RUNX3: variants seen among roughly 807,000 people sequenced by gnomAD.
RUNX3 encodes RUNX family transcription factor 3.
RUNX3 carries 10 observed loss-of-function variants against 27.7 expected under a neutral mutation model. That is an observed-to-expected ratio of 0.36 (90% CI 0.22 to 0.61). The LOEUF (loss-of-function observed/expected upper bound fraction) is 0.61. RUNX3 is among the 20% of genes least tolerant of loss of function. RUNX3 has a pLI of 0.72. For missense variants in RUNX3, 469 were observed against 629.5 expected, an observed-to-expected ratio of 0.75 and a Z score of 2.73; for synonymous variants, 270 against 269.2, an observed-to-expected ratio of 1.00 and a Z score of -0.03.
At chr1:24,939,472 A>G (rs951156840) in intron 2 of RUNX3, among the ~76,000 whole-genome samples, 2 of 152,268 alleles carry the variant, frequency 1.3e-5, no homozygotes, top group South Asian at 2.1e-4. Flanking sequence ...GCCCCATTAT[A>G]TGAGTGGTGT....
chr1:24,952,520 T>G (rs1472720989), intron 2 of RUNX3, among the ~76,000 whole-genome samples: 1 of 152,238 alleles, frequency 6.6e-6, no homozygotes, highest in Non-Finnish European at 1.5e-5. Flanking sequence ...CAACAGCTGA[T>G]AACATCTGAA....
At chr1:24,954,791 C>T (rs1039698475) in intron 2 of RUNX3, among the ~76,000 whole-genome samples, 49 of 152,156 alleles carry the variant, frequency 3.2e-4, no homozygotes, top group African/African-American at 1.1e-3. Flanking sequence ...AAACAGGGCT[C>T]GTGAGTGGGT....
chr1:24,913,464 G>A (rs773372563), intron 3 of RUNX3, among the ~76,000 whole-genome samples: 26 of 152,244 alleles, frequency 1.7e-4, no homozygotes, highest in Non-Finnish European at 2.6e-4. Flanking sequence ...AACCCCCGAG[G>A]GTCAGGAAAG....
intron 4 of RUNX3, among the ~76,000 whole-genome samples, chr1:24,906,138 C>T (rs1482051719): frequency 6.6e-6 from 1 of 152,214 alleles, no homozygotes; most frequent in African/African-American, 2.4e-5. Context: ...CCCAGTCGGC[C>T]CCCACCTCAG....
At chr1:24,906,256 G>A (rs898067024) in intron 4 of RUNX3, among the ~76,000 whole-genome samples, 1 of 152,250 alleles carries the variant, frequency 6.6e-6, no homozygotes, top group African/African-American at 2.4e-5. Flanking sequence ...AGCAGGTACT[G>A]TGGAGACTGT....
At chr1:24,947,260 G>T (rs1208957682) in intron 2 of RUNX3, among the ~76,000 whole-genome samples, 4 of 152,182 alleles carry the variant, frequency 2.6e-5, no homozygotes, top group Non-Finnish European at 4.4e-5. Context: ...GCTACCCAAT[G>T]GGGCAAAGTC....
At chr1:24,934,977 C>T (rs1641315080), upstream of RUNX3, among the ~76,000 whole-genome samples, 1 of 152,186 alleles carries the variant, frequency 6.6e-6, no homozygotes, top group African/African-American at 2.4e-5. Context: ...GGTGCACCCA[C>T]CACCTGCTCT....
chr1:24,944,642 C>T (rs1255685043), intron 2 of RUNX3, among the ~76,000 whole-genome samples: 2 of 152,114 alleles, frequency 1.3e-5, no homozygotes, highest in Admixed American at 6.5e-5. Flanking sequence ...AAAGGACAGT[C>T]GGAGGGAGAT....
upstream of RUNX3, among the ~76,000 whole-genome samples, chr1:24,932,805 C>T (rs112837056): frequency 2.0e-3 from 302 of 152,252 alleles, 6 homozygotes; most frequent in African/African-American, 6.9e-3. Flanking sequence ...TGGCATGGAC[C>T]GTCGTCTTTT....
intron 2 of RUNX3, among the ~76,000 whole-genome samples, chr1:24,948,261 T>C (rs923067851): frequency 6.6e-6 from 1 of 152,180 alleles, no homozygotes; most frequent in African/African-American, 2.4e-5. Context: ...CGCCACCAGG[T>C]GGCCCTTGGT....
intron 2 of RUNX3, among the ~76,000 whole-genome samples, chr1:24,956,470 T>TCTCAGAGGTGGCTTC: frequency 6.6e-6 from 1 of 152,158 alleles, no homozygotes; most frequent in Admixed American, 6.5e-5. Context: ...GAGGTGGCTT[T>TCTCAGAGGTGGCTTC]CTCTCCCCCT....
At chr1:24,951,873 C>G (rs1023307917) in intron 2 of RUNX3, among the ~76,000 whole-genome samples, 1 of 152,072 alleles carries the variant, frequency 6.6e-6, no homozygotes, top group African/African-American at 2.4e-5. Context: ...ATTAAATGAG[C>G]TAAGGTATAT....
At chr1:24,906,220 CCTCAGAAGTA>C (rs1328852459) in intron 4 of RUNX3, among the ~76,000 whole-genome samples, 2 of 152,230 alleles carry the variant, frequency 1.3e-5, no homozygotes, top group African/African-American at 2.4e-5. Flanking sequence ...TTATCTGTCC[CCTCAGAAGTA>C]CAGAAAGTTC....
chr1:24,959,384 G>A (rs1181427800), intron 2 of RUNX3, among the ~76,000 whole-genome samples: 1 of 152,218 alleles, frequency 6.6e-6, no homozygotes, highest in African/African-American at 2.4e-5. Context: ...GGTCTGGGGA[G>A]ACGGGTGTGT....
At chr1:24,957,562 G>A (rs1241222980) in intron 2 of RUNX3, among the ~76,000 whole-genome samples, 1 of 152,230 alleles carries the variant, frequency 6.6e-6, no homozygotes, top group Non-Finnish European at 1.5e-5. Context: ...CTCCCCAAGG[G>A]GGCGGCCATG....
chr1:24,957,180 A>G (rs1469853273), intron 2 of RUNX3, among the ~76,000 whole-genome samples: 4 of 152,232 alleles, frequency 2.6e-5, no homozygotes, highest in African/African-American at 9.6e-5. Flanking sequence ...AACCCCAAAG[A>G]GGAACCTAAA....
chr1:24,927,797 A>C lies in RUNX3; in HGVS notation c.283-67T>G. ...AAGGAAGAGGGTGACCAGGGAAAGG[A>C]GGGGAGGGGCTGGGCTGGGCAGCTC... On this transcript the variant is annotated intron_variant, in intron 1 of 4. Coordinates refer to ENST00000308873, the MANE Select transcript of RUNX3 (RefSeq NM_004350.3). The surrounding 1 kb of genome is among the most constrained non-coding windows in gnomAD (Gnocchi z 5.0). 6 of 1,136,642 alleles carry C rather than the reference A, an allele frequency of 5.3e-6. No homozygotes were observed. Among genetic ancestry groups the C allele is most frequent in the Non-Finnish European group, 7.8e-6 (6 of 773,824 alleles). The allele number at this position is 1,136,642 out of a possible 1,614,324, so 70.4% of individuals were successfully genotyped here.
At chr1:24,926,194 T>C (rs1641096942) in intron 2 of RUNX3, among the ~76,000 whole-genome samples, 1 of 152,210 alleles carries the variant, frequency 6.6e-6, no homozygotes, top group South Asian at 2.1e-4. Context: ...CTCATCAGCC[T>C]TGTCTGCCAC....
chr1:24,909,322 C>A (rs567841569), intron 3 of RUNX3, among the ~76,000 whole-genome samples: 61 of 152,328 alleles, frequency 4.0e-4, no homozygotes, highest in Non-Finnish European at 7.5e-4. Flanking sequence ...AGAGTCCCCA[C>A]CGTGACCAGT....
Sources: gnomAD v4.1 joint callset for allele counts (sites outside exome capture counted in the v4.1 genomes callset) on GRCh38, gnomAD v4.1.1 for gene constraint, Gnocchi (gnomAD v3.1) non-coding constraint, MANE v1.5 for transcripts, NCBI Gene and HGNC (gene_info 2026-07-23, HGNC 2026-07-21) for gene names.